ARHGEF3: variants seen among roughly 807,000 people sequenced by gnomAD.
ARHGEF3 encodes 59.8 kDA protein.
A neutral mutation model predicts 63.2 loss-of-function variants in ARHGEF3; 28 were observed. The observed-to-expected ratio is 0.44, with a 90% CI of 0.33 to 0.61. The LOEUF (loss-of-function observed/expected upper bound fraction) is 0.61. ARHGEF3 is among the 20% of genes least tolerant of loss of function. The pLI is 0.03. For synonymous variants in ARHGEF3, 266 were observed against 254.2 expected, an observed-to-expected ratio of 1.05 and a Z score of -0.44; for missense variants, 533 against 659.3, an observed-to-expected ratio of 0.81 and a Z score of 2.10.
At chr3:57,033,428 A>AAAT (rs1354885321) in intron 2 of ARHGEF3, among the ~76,000 whole-genome samples, 1 of 152,180 alleles carries the variant, frequency 6.6e-6, no homozygotes, top group Non-Finnish European at 1.5e-5. Flanking sequence ...AAAAAAAAAA[A>AAAT]AAAATGTAGA....
intron 3 of ARHGEF3, among the ~76,000 whole-genome samples, chr3:56,904,865 C>T (rs1397615108): frequency 6.6e-6 from 1 of 152,212 alleles, no homozygotes; most frequent in Non-Finnish European, 1.5e-5. Context: ...TTCCCATTTC[C>T]TTCGAACCAT....
At position 56,729,481 on chromosome 3, in the gene ARHGEF3, T is replaced by C; in HGVS notation, c.1370A>G (p.Gln457Arg). ...TCCCTCGGAGTCAAGCACCCCAGCTTGCCCGGCAGCACACAAAACTGTTTC... is the reference window on the plus strand; with the variant it reads ...TCCCTCGGAGTCAAGCACCCCAGCTCGCCCGGCAGCACACAAAACTGTTTC... The part of the protein sequence containing the change: ...AKETVLCAAG[Q>R]AGVLDSEGSF... Residue 457 changes from glutamine (Q) to arginine (R), a missense_variant, in exon 10 of 10, where the codon CAA becomes CGA. Around this residue, in one of 4 missense-constraint regions of ARHGEF3, gnomAD observed 115 missense variants for 103.4 expected, o/e 1.11. Transcript: ENST00000296315. The C allele has an allele frequency of 6.2e-7, 1 of 1,614,222 alleles. No homozygotes were observed. The highest frequency in any genetic ancestry group is 8.5e-7 in the Non-Finnish European group (1 of 1,180,028).
At chr3:57,072,483 G>T (rs1906503) in intron 1 of ARHGEF3, among the ~76,000 whole-genome samples, 63,570 of 151,108 alleles carry the variant, frequency 0.42, 15,075 homozygotes, top group Middle Eastern at 0.54. Flanking sequence ...GCTCATGTCC[G>T]TAATCCCAGC....
exon 1 of ARHGEF3, chr3:57,079,236 G>A (rs545425495): frequency 9.8e-5 from 39 of 396,850 alleles, no homozygotes; most frequent in African/African-American, 7.4e-4. Flanking sequence ...CTCGACCCCC[G>A]CGCTGGTTCG....
At chr3:56,827,942 C>T (rs1414121728) in intron 4 of ARHGEF3, among the ~76,000 whole-genome samples, 3 of 16,448 alleles carry the variant, frequency 1.8e-4, no homozygotes, top group East Asian at 2.0e-3. Context: ...GAGATTCTGT[C>T]TCAAAAAAAA....
At chr3:56,895,586 C>T (rs1354104864) in intron 3 of ARHGEF3, among the ~76,000 whole-genome samples, 1 of 152,044 alleles carries the variant, frequency 6.6e-6, no homozygotes, top group Non-Finnish European at 1.5e-5. Context: ...GGCTCAGCCT[C>T]CCGAGCAGGT....
intron 2 of ARHGEF3, among the ~76,000 whole-genome samples, chr3:56,976,835 A>G (rs578021271): frequency 3.9e-5 from 6 of 152,216 alleles, no homozygotes; most frequent in African/African-American, 1.4e-4. Flanking sequence ...ATGTGGTAGA[A>G]AGGAAGGTAA....
intron 1 of ARHGEF3, among the ~76,000 whole-genome samples, chr3:57,078,025 G>C (rs1272496362): frequency 6.6e-6 from 1 of 152,216 alleles, no homozygotes; most frequent in Non-Finnish European, 1.5e-5. Flanking sequence ...CGCGCTGTTA[G>C]ATGTCAGTGA....
chr3:56,875,114 C>T (rs1014551504), intron 4 of ARHGEF3, among the ~76,000 whole-genome samples: 2 of 152,160 alleles, frequency 1.3e-5, no homozygotes, highest in African/African-American at 4.8e-5. Flanking sequence ...AAGTTTATAA[C>T]TTCTATCCAC....
At chr3:56,933,260 A>G (rs566919706) in intron 3 of ARHGEF3, among the ~76,000 whole-genome samples, 7 of 152,330 alleles carry the variant, frequency 4.6e-5, no homozygotes, top group African/African-American at 1.7e-4. Context: ...AAATTGGTAC[A>G]TCTCTCCATA....
At position 57,066,255 on chromosome 3, in the gene ARHGEF3, A is replaced by G. The variant is rs536829848; in HGVS notation, c.-28+12971T>C. 3.2e-4 allele frequency among the ~76,000 whole-genome samples: 48 copies of G among 148,534 alleles called. No individual in the cohort carries two copies. In the South Asian group the frequency reaches 7.4e-3, roughly 23 times the overall value. ...GCACACTTCCACTTCCAACCATTAC[A>G]CTTTTCCTTTCTTTCTTTTTTTTTT... On this transcript the variant is annotated intron_variant, in intron 1 of 12. Coordinates refer to the ARHGEF3 transcript ENST00000338458.
intron 2 of ARHGEF3, among the ~76,000 whole-genome samples, chr3:56,977,953 C>T (rs1292084217): frequency 1.3e-5 from 2 of 152,254 alleles, no homozygotes; most frequent in East Asian, 3.9e-4. Context: ...CTCAGCCTCC[C>T]GTCACTGCCC....
chr3:56,839,792 T>C (rs1210412050), intron 4 of ARHGEF3, among the ~76,000 whole-genome samples: 1 of 152,098 alleles, frequency 6.6e-6, no homozygotes, highest in Non-Finnish European at 1.5e-5. Flanking sequence ...GCTACCCTCC[T>C]TTAGAACCTG....
chr3:56,779,486 A>ATT (rs397712262), intron 1 of ARHGEF3, among the ~76,000 whole-genome samples: 134 of 149,914 alleles, frequency 8.9e-4, no homozygotes, highest in African/African-American at 3.2e-3. Context: ...GTTTTTTTTT[A>ATT]TTTTTTTTTT....
chr3:56,849,912 GC>G (rs2108141946), intron 4 of ARHGEF3, among the ~76,000 whole-genome samples: 1 of 152,234 alleles, frequency 6.6e-6, no homozygotes, highest in African/African-American at 2.4e-5. Flanking sequence ...AGCTGAAAGG[GC>G]CTTTTGGAAA....
chr3:57,036,263 T>C (rs1703958402), intron 1 of ARHGEF3, among the ~76,000 whole-genome samples: 1 of 152,060 alleles, frequency 6.6e-6, no homozygotes, highest in Non-Finnish European at 1.5e-5. Flanking sequence ...ACAGAGGGCA[T>C]CTCCAAGTAT....
Position 56,951,275 on chromosome 3 carries a change from T to TA in ARHGEF3, c.129+7547dup, listed in dbSNP as rs571509607. On this transcript the variant is annotated intron_variant, in intron 3 of 12. Coordinates refer to the ARHGEF3 transcript ENST00000338458. Reference sequence around the variant, plus strand: ...CACATGTACCCTAAAACTTAAAGTATAAAAAAAAAAAGAAAGGAAAGAAAA... The same window carrying TA: ...CACATGTACCCTAAAACTTAAAGTATAAAAAAAAAAAAGAAAGGAAAGAAAA... 3.5e-3 allele frequency among the ~76,000 whole-genome samples: 444 copies of TA among 127,862 alleles called. 19 individuals carry two copies. In the East Asian group the frequency reaches 0.071, roughly 20 times the overall value. 83.9% of individuals were successfully genotyped at this position (127,862 alleles called of 152,430 possible).
At chr3:56,904,913 A>G (rs2041637025) in intron 3 of ARHGEF3, among the ~76,000 whole-genome samples, 1 of 152,184 alleles carries the variant, frequency 6.6e-6, no homozygotes, top group Non-Finnish European at 1.5e-5. Flanking sequence ...TCCAAACTCT[A>G]CTCACAAAAC....
At chr3:57,073,330 A>C (rs1706037438) in intron 1 of ARHGEF3, 1 of 193,474 alleles carries the variant, frequency 5.2e-6, no homozygotes, top group African/African-American at 2.3e-5. Flanking sequence ...TATGTTCAAT[A>C]AGAATATAAT....
Sources: gnomAD v4.1 joint callset for allele counts (sites outside exome capture counted in the v4.1 genomes callset) on GRCh38, gnomAD v4.1.1 for gene constraint, gnomAD v4.1.1 regional missense constraint, MANE v1.5 for transcripts, NCBI Gene and HGNC (gene_info 2026-07-23, HGNC 2026-07-21) for gene names.